Variants in RARB observed in about 807,000 individuals in gnomAD.
RARB encodes the protein retinoic acid receptor beta, also known as HBV-activated protein.
In RARB, 17 loss-of-function variants were observed where a neutral mutation model predicts 51.9. The observed-to-expected ratio is 0.33, with a 90% CI of 0.22 to 0.49. The LOEUF is 0.49. Among genes scored for constraint, RARB ranks in the 20% least tolerant of loss-of-function variants. The probability of loss-of-function intolerance (pLI) is 0.99; values close to 1 mark genes in which losing one functional copy is unlikely to be tolerated. For missense variants in RARB, 369 were observed against 550.8 expected (o/e 0.67, Z 3.30); for synonymous variants, 215 against 195.4 (o/e 1.10, Z -0.84).
At chr3:25,545,015 G>T (rs1239076852) in intron 3 of RARB, among the ~76,000 whole-genome samples, 1 of 152,188 alleles carries the variant, frequency 6.6e-6, no homozygotes, top group Non-Finnish European at 1.5e-5. Context: ...AGGCTGGAGG[G>T]CAGTGGCATG....
intron 2 of RARB, among the ~76,000 whole-genome samples, chr3:24,896,417 G>A (rs530344962): frequency 2.0e-5 from 3 of 152,036 alleles, no homozygotes; most frequent in Non-Finnish European, 4.4e-5. Context: ...GCACCACCAC[G>A]TCCGGCTAAT....
At chr3:24,923,300 C>T (rs749643166) in intron 2 of RARB, among the ~76,000 whole-genome samples, 1 of 151,994 alleles carries the variant, frequency 6.6e-6, no homozygotes. Context: ...CTTTTTTTCC[C>T]TCCTTTTAAA....
intron 3 of RARB, among the ~76,000 whole-genome samples, chr3:25,069,443 A>T (rs1698726523): frequency 6.6e-6 from 1 of 152,172 alleles, no homozygotes; most frequent in African/African-American, 2.4e-5. Context: ...CATATATTGT[A>T]CCAAATTTAT....
chr3:25,035,421 C>CTT (rs140970899), intron 2 of RARB, among the ~76,000 whole-genome samples: 20 of 121,640 alleles, frequency 1.6e-4, no homozygotes, highest in South Asian at 9.2e-4. Context: ...TGCGTCCAGC[C>CTT]TTTTTTTTTT....
At chr3:24,947,040 G>C (rs1695790290) in intron 2 of RARB, among the ~76,000 whole-genome samples, 1 of 152,116 alleles carries the variant, frequency 6.6e-6, no homozygotes, top group African/African-American at 2.4e-5. Context: ...TAAAACTGAA[G>C]GTAATTTGAT....
At chr3:25,501,502 C>T (rs887157161) in intron 3 of RARB, among the ~76,000 whole-genome samples, 179 bp downstream of exon 3, 1 of 152,108 alleles carries the variant, frequency 6.6e-6, no homozygotes, top group Non-Finnish European at 1.5e-5. Context: ...ACTTGAGTGA[C>T]AGTTGGTGGA....
At chr3:25,293,316 G>C (rs1201614475) in intron 5 of RARB, among the ~76,000 whole-genome samples, 1 of 152,106 alleles carries the variant, frequency 6.6e-6, no homozygotes, top group Non-Finnish European at 1.5e-5. Context: ...TTTGTCATTT[G>C]TAAGATGAGG....
intron 3 of RARB, among the ~76,000 whole-genome samples, chr3:25,128,547 C>G (rs1216595969): frequency 6.6e-6 from 1 of 150,484 alleles, no homozygotes; most frequent in East Asian, 1.9e-4. Context: ...ACATGGAATC[C>G]TACACAATTC....
intron 1 of RARB, chr3:25,441,325 C>A (rs143566280): frequency 5.2e-4 from 196 of 376,294 alleles, no homozygotes; most frequent in Non-Finnish European, 9.7e-4. Context: ...ATTTCTTGCA[C>A]CACATATTGG....
chr3:25,020,890 G>T (rs982981571), intron 2 of RARB, among the ~76,000 whole-genome samples: 3 of 152,148 alleles, frequency 2.0e-5, no homozygotes, highest in Non-Finnish European at 4.4e-5. Flanking sequence ...AATTGCTTGA[G>T]CCAGGGAGTC....
rs1204249206 is a variant in RARB at position 25,420,991 on chromosome 3, CA to C, written c.179-40184del. 7.9e-4 allele frequency among the ~76,000 whole-genome samples: 100 copies of C among 126,282 alleles called. No homozygotes were observed. The Middle Eastern group carries it at 0.013, about 17-fold the overall frequency. 82.8% of individuals were successfully genotyped at this position (126,282 alleles called of 152,430 possible). A position where few individuals can be genotyped will look rare whatever the true frequency, so the allele number is the denominator to read the frequency against. ...TGCTGAGGCTCAACACCACTTATGC[CA>C]AAAAAAAAAAAAAAAAACAGAGTCA... On this transcript the variant is annotated intron_variant, in intron 5 of 11. Transcript: ENST00000383772.
chr3:25,276,058 T>C (rs188139197), intron 5 of RARB, among the ~76,000 whole-genome samples: 1 of 152,336 alleles, frequency 6.6e-6, no homozygotes, highest in East Asian at 1.9e-4. Flanking sequence ...CAGCTTCCCC[T>C]TCTGTAAAAT....
chr3:25,280,115 C>T (rs1293438858), intron 5 of RARB, among the ~76,000 whole-genome samples: 1 of 152,084 alleles, frequency 6.6e-6, no homozygotes, highest in Non-Finnish European at 1.5e-5. Context: ...CCCAAAGAAA[C>T]AGGTACAGTT....
intron 5 of RARB, among the ~76,000 whole-genome samples, chr3:25,200,893 T>A (rs1299197145): frequency 6.6e-6 from 1 of 152,204 alleles, no homozygotes; most frequent in African/African-American, 2.4e-5. Context: ...CCAGCTTTGT[T>A]CTTTTGGCTT....
Position 25,410,748 on chromosome 3 carries a change from T to G in RARB, c.179-50445T>G, listed in dbSNP as rs1318068534. Among the ~76,000 whole-genome samples, 4 of 152,214 alleles carry G rather than the reference T, an allele frequency of 2.6e-5. No individual in the cohort carries two copies. In the East Asian group the frequency reaches 7.7e-4, roughly 29 times the overall value. On this transcript the variant is annotated intron_variant, in intron 5 of 11. Coordinates refer to the RARB transcript ENST00000383772. Reference sequence around the variant, plus strand: ...TTTTTGTCCAGTGACGCCATATTGTTTGATTCTTGAAATGGGCCACAGTCA... The same window carrying G: ...TTTTTGTCCAGTGACGCCATATTGTGTGATTCTTGAAATGGGCCACAGTCA...
At chr3:25,566,011 C>T (rs559487137) in intron 3 of RARB, among the ~76,000 whole-genome samples, 6 of 152,262 alleles carry the variant, frequency 3.9e-5, no homozygotes, top group Middle Eastern at 3.4e-3. Flanking sequence ...TCCAGGGGAA[C>T]GAGTCCCTGC....
intron 2 of RARB, among the ~76,000 whole-genome samples, chr3:25,047,390 G>A (rs976499938): frequency 6.6e-6 from 1 of 151,812 alleles, no homozygotes; most frequent in Non-Finnish European, 1.5e-5. Flanking sequence ...TAGGTCAGGG[G>A]CACAATCCAT....
chr3:24,958,738 T>G (rs1408026629), intron 2 of RARB, among the ~76,000 whole-genome samples: 1 of 152,232 alleles, frequency 6.6e-6, no homozygotes, highest in Non-Finnish European at 1.5e-5. Flanking sequence ...CAGATGTTTC[T>G]TGATGTCTGA....
chr3:25,096,623 A>G (rs1230374642), intron 3 of RARB, among the ~76,000 whole-genome samples: 1 of 152,172 alleles, frequency 6.6e-6, no homozygotes, highest in Non-Finnish European at 1.5e-5. Flanking sequence ...ATAGTTAAAA[A>G]TGCAATCAAA....
Sources: allele counts gnomAD v4.1 joint callset (sites outside exome capture counted in the v4.1 genomes callset), GRCh38; gene constraint gnomAD v4.1.1; transcripts MANE v1.5; gene names NCBI Gene and HGNC (gene_info 2026-07-23, HGNC 2026-07-21).